GFM1: variants seen among roughly 807,000 people sequenced by gnomAD.
GFM1 encodes the protein G elongation factor mitochondrial 1.
GFM1 carries 62 observed loss-of-function variants against 96.2 expected under a neutral mutation model. The ratio of observed to expected loss-of-function variants is 0.64; its 90% CI spans 0.53 to 0.80. The LOEUF (loss-of-function observed/expected upper bound fraction) is 0.80, where lower values mean the gene tolerates loss of function less well. Ranked by LOEUF, GFM1 falls within the 30% of genes least tolerant of loss-of-function variation. GFM1 has a pLI of 0.00. For synonymous variants in GFM1, 282 were observed against 312.9 expected, an observed-to-expected ratio of 0.90 and a Z score of 1.04; for missense variants, 852 against 916.6, an observed-to-expected ratio of 0.93 and a Z score of 0.91.
intron 15 of GFM1, among the ~76,000 whole-genome samples, chr3:158,688,755 G>A (rs1288566112): frequency 6.6e-6 from 1 of 152,190 alleles, no homozygotes; most frequent in Non-Finnish European, 1.5e-5. Flanking sequence ...ATAGGAGTCT[G>A]CAGTATCTCT....
intron 2 of GFM1, 134 bp downstream of exon 2, chr3:158,645,915 T>C (rs1194844690): frequency 3.2e-6 from 3 of 927,992 alleles, no homozygotes; most frequent in Non-Finnish European, 5.2e-6. Context: ...TAGGCTTATC[T>C]GAAAGTTGCT....
chr3:158,679,831 C>T (rs1361187315), intron 13 of GFM1, among the ~76,000 whole-genome samples: 2 of 152,142 alleles, frequency 1.3e-5, no homozygotes, highest in Non-Finnish European at 2.9e-5. Flanking sequence ...TCCTGTGTTA[C>T]CACCAGTAGT....
intron 13 of GFM1, among the ~76,000 whole-genome samples, chr3:158,680,946 A>G (rs1725324130): frequency 6.6e-6 from 1 of 152,322 alleles, no homozygotes; most frequent in Non-Finnish European, 1.5e-5. Context: ...TTATTACCAT[A>G]TAGACATCAC....
chr3:158,668,274 T>G (rs1723910112), intron 13 of GFM1, among the ~76,000 whole-genome samples: 1 of 152,214 alleles, frequency 6.6e-6, no homozygotes, highest in African/African-American at 2.4e-5. Context: ...AGATTACTTA[T>G]AATACCAAAT....
In GFM1 at chr3:158,665,326, T is replaced by C; in HGVS notation, c.1381-11T>C. 7.5e-6 allele frequency: 12 copies of C among 1,601,514 alleles called. No homozygotes were observed. Among genetic ancestry groups the C allele is most frequent in the Non-Finnish European group, 1.0e-5 (12 of 1,168,824 alleles). On this transcript the variant is annotated splice_polypyrimidine_tract_variant and intron_variant, in intron 11 of 17. Coordinates refer to ENST00000486715, the MANE Select transcript of GFM1 (RefSeq NM_024996.7). Reference sequence around the variant, plus strand: ...AGTAAAACATATAGTGACTTTCTTCTTCTTTTAAAGAACGATCTGGAAAAA... The same window carrying C: ...AGTAAAACATATAGTGACTTTCTTCCTCTTTTAAAGAACGATCTGGAAAAA...
chr3:158,661,648 C>A (rs891433328), intron 10 of GFM1, among the ~76,000 whole-genome samples: 10 of 152,294 alleles, frequency 6.6e-5, no homozygotes, highest in African/African-American at 2.2e-4. Context: ...TGTAGGAGAG[C>A]AAACTCTCTT....
chr3:158,667,093 AC>A (rs2108055770), intron 13 of GFM1: 1 of 1,569,508 alleles, frequency 6.4e-7, no homozygotes, highest in Non-Finnish European at 8.6e-7. Context: ...AAAAATAAAA[AC>A]GTGTTGTTTA....
rs111669589 is a variant in GFM1 at position 158,694,250 on chromosome 3, TA to T, written c.*2790del. On this transcript the variant is annotated 3_prime_UTR_variant, in exon 18 of 18. Coordinates refer to ENST00000486715, the MANE Select transcript of GFM1 (RefSeq NM_024996.7). ...CACATTGTGGAATACTATGCAGCCA[TA>T]AAAAAAGAATGAGATCAAGTCCTTT... Among the ~76,000 whole-genome samples the T allele has an allele frequency of 0.18, 26,891 of 151,854 alleles. 2,466 individuals carry two copies. Among genetic ancestry groups the T allele is most frequent in the Non-Finnish European group, 0.22 (14,657 of 67,916 alleles).
intron 13 of GFM1, among the ~76,000 whole-genome samples, chr3:158,677,912 G>C (rs1725038984): frequency 6.6e-6 from 1 of 152,214 alleles, no homozygotes; most frequent in African/African-American, 2.4e-5. Flanking sequence ...ATCTTCAAAA[G>C]ACAGGCTGTG....
At chr3:158,644,961 T>G (rs1479838479) in intron 1 of GFM1, 7 of 492,102 alleles carry the variant, frequency 1.4e-5, no homozygotes, top group African/African-American at 1.4e-4. Context: ...ACTTTGATAT[T>G]TTATCCACCT....
chr3:158,644,673 G>A lies in GFM1; in HGVS notation c.39G>A (p.Gly13=), dbSNP rs2107996854. 6.3e-7 allele frequency: 1 copy of A among 1,579,308 alleles called. No individual in the cohort carries two copies. Among genetic ancestry groups the A allele is most frequent in the Non-Finnish European group, 8.6e-7 (1 of 1,163,448 alleles). Residue 13 remains glycine, a synonymous_variant, in exon 1 of 18, where the codon GGG becomes GGA. Transcript: ENST00000486715. ...LLGAAAVAAL[G]RGRAPASLGW... is the part of the protein sequence containing the mutation. ...GAGCTGCAGCCGTCGCGGCTCTGGG[G>A]CGCGGAAGGGCCCCCGCCTCCCTAG...
intron 13 of GFM1, chr3:158,672,681 G>C (rs1351986406): frequency 9.4e-6 from 5 of 530,636 alleles, no homozygotes; most frequent in Non-Finnish European, 1.3e-5. Context: ...AGAGCCCTGG[G>C]CTGACTGCTT....
chr3:158,682,817 G>A (rs1299312830), intron 14 of GFM1, among the ~76,000 whole-genome samples: 1 of 151,984 alleles, frequency 6.6e-6, no homozygotes, highest in Non-Finnish European at 1.5e-5. Context: ...TTGAGCCCAG[G>A]AGTTTGAGAC....
At chr3:158,676,145 T>C (rs1179227137) in intron 13 of GFM1, among the ~76,000 whole-genome samples, 3 of 152,156 alleles carry the variant, frequency 2.0e-5, no homozygotes, top group Non-Finnish European at 4.4e-5. Flanking sequence ...AGCATGTGCC[T>C]GTAGTTCCAG....
At chr3:158,682,770 A>G (rs917392075) in intron 14 of GFM1, among the ~76,000 whole-genome samples, 1 of 152,148 alleles carries the variant, frequency 6.6e-6, no homozygotes, top group Non-Finnish European at 1.5e-5. Flanking sequence ...CATGCCTGTA[A>G]TCCTAACATT....
chr3:158,680,007 C>T lies in GFM1; in HGVS notation c.1602-1988C>T, dbSNP rs147171375. Among the ~76,000 whole-genome samples, 859 of 152,090 alleles carry T rather than the reference C, an allele frequency of 5.6e-3. 15 individuals are homozygous for T. The highest frequency in any genetic ancestry group is 0.02 in the African/African-American group (830 of 41,490). On this transcript the variant is annotated intron_variant, in intron 13 of 17. Transcript: ENST00000486715. ...TTAAAAACATAATTAGTAGAAATGC[C>T]CATTGCTTGCAACTTTGTTATGACT...
intron 13 of GFM1, chr3:158,666,734 G>A: frequency 1.2e-6 from 2 of 1,613,120 alleles, no homozygotes. Flanking sequence ...CATTTGCCAG[G>A]GAATAATCTC....
In GFM1 at chr3:158,648,959, A is replaced by AT. The variant is rs1292079222; in HGVS notation, c.573-76dup. 7 of 768,638 alleles carry AT rather than the reference A, an allele frequency of 9.1e-6. No individual in the cohort carries two copies. In the African/African-American group the frequency reaches 1.2e-4, roughly 13 times the overall value. The allele number at this position is 768,638 out of a possible 1,614,324, so 47.6% of individuals were successfully genotyped here. A position where few individuals can be genotyped will look rare whatever the true frequency, so the allele number is the denominator to read the frequency against. ...CTCAGTTCTCCAGTGTCTGCCACTG[A>AT]TTTTTTAAAATATTCATTTTGTCAT... On this transcript the variant is annotated intron_variant, in intron 4 of 17. Coordinates refer to ENST00000486715, the MANE Select transcript of GFM1 (RefSeq NM_024996.7).
At chr3:158,665,567 C>A in intron 12 of GFM1, 93 bp downstream of exon 12, 1 of 1,135,534 alleles carries the variant, frequency 8.8e-7, no homozygotes, top group Non-Finnish European at 1.3e-6. Context: ...CTGTAACTAA[C>A]TCTGGTTCTT....
Sources: allele counts gnomAD v4.1 joint callset (sites outside exome capture counted in the v4.1 genomes callset), GRCh38; gene constraint gnomAD v4.1.1; transcripts MANE v1.5; gene names NCBI Gene and HGNC (gene_info 2026-07-23, HGNC 2026-07-21).